DMD: variants seen among roughly 807,000 people sequenced by gnomAD.
DMD encodes the protein mutant dystrophin.
DMD carries 63 observed loss-of-function variants against 330.1 expected under a neutral mutation model. The ratio of observed to expected loss-of-function variants is 0.19; its 90% CI spans 0.16 to 0.24. The LOEUF (loss-of-function observed/expected upper bound fraction) is 0.24, where lower values mean the gene tolerates loss of function less well. DMD is among the 10% of genes least tolerant of loss of function. DMD has a pLI of 1.00. For synonymous variants in DMD, 1,223 were observed against 959.8 expected (o/e 1.27, Z -5.07); for missense variants, 3,344 against 2,684.1 (o/e 1.25, Z -5.43).
rs748641840 is a variant in DMD, at chrX:32,420,653, G to A, written c.4072-8740C>T. ...TCAGAGTGAAAGAACTTTGGAACTC[G>A]TTAGTCCCTCTACTTAGGAATTCAG... On this transcript the variant is annotated intron_variant, in intron 29 of 78. Transcript: ENST00000357033. Among the ~76,000 whole-genome samples, 122 of 111,677 alleles carry A rather than the reference G, an allele frequency of 1.1e-3. 1 individual carries two copies. The highest frequency in any genetic ancestry group is 3.0e-3 in the African/African-American group (91 of 30,777).
At chrX:33,015,640 T>C (rs1183128616) in intron 2 of DMD, among the ~76,000 whole-genome samples, 1 of 110,151 alleles carries the variant, frequency 9.1e-6, no homozygotes, top group African/African-American at 3.3e-5. Context: ...ATAACAAACC[T>C]GCACATGTAC....
chrX:32,870,039 G>C (rs1215536785), intron 2 of DMD, among the ~76,000 whole-genome samples: 1 of 111,336 alleles, frequency 9.0e-6, no homozygotes, highest in Admixed American at 9.6e-5. Flanking sequence ...TGTGTATCTA[G>C]AAAACTCCAT....
intron 44 of DMD, among the ~76,000 whole-genome samples, chrX:32,093,296 T>C (rs1295452169): frequency 8.9e-6 from 1 of 112,024 alleles, no homozygotes; most frequent in Non-Finnish European, 1.9e-5. Flanking sequence ...ATGGCTAGTA[T>C]GAAAAGTGCT....
chrX:31,789,321 A>G (rs1329121343), intron 50 of DMD, among the ~76,000 whole-genome samples: 1 of 110,700 alleles, frequency 9.0e-6, no homozygotes, highest in East Asian at 2.8e-4. Flanking sequence ...TAAGCTGGTA[A>G]TAACTTAACT....
chrX:32,789,550 A>G (rs774641207), intron 7 of DMD, among the ~76,000 whole-genome samples: 1 of 111,838 alleles, frequency 8.9e-6, no homozygotes, highest in African/African-American at 3.3e-5. Flanking sequence ...AGCTTCCCCA[A>G]CCGATTTTAT....
At chrX:33,068,419 T>C (rs1299363809) in intron 1 of DMD, among the ~76,000 whole-genome samples, 1 of 112,377 alleles carries the variant, frequency 8.9e-6, no homozygotes, top group Admixed American at 9.5e-5. Flanking sequence ...GGAGGTATTG[T>C]ACTTTGCCAA....
intron 5 of DMD, among the ~76,000 whole-genome samples, chrX:32,821,481 G>A (rs762011900): frequency 3.2e-4 from 35 of 109,708 alleles, no homozygotes; most frequent in African/African-American, 1.0e-3. Flanking sequence ...CCAGCTACTC[G>A]GGAGGCTGAG....
chrX:32,788,544 A>G (rs1235937044), intron 7 of DMD, among the ~76,000 whole-genome samples: 2 of 112,015 alleles, frequency 1.8e-5, no homozygotes, highest in Non-Finnish European at 3.8e-5. Flanking sequence ...ATTAAATTCT[A>G]TTCCATCTGT....
intron 1 of DMD, among the ~76,000 whole-genome samples, chrX:33,192,665 C>T (rs1223182763): frequency 8.9e-6 from 1 of 111,864 alleles, no homozygotes; most frequent in Non-Finnish European, 1.9e-5. Flanking sequence ...GGTTCAAAAA[C>T]CCTCAATTTA....
chrX:31,879,031 G>A (rs1418703834), intron 47 of DMD, among the ~76,000 whole-genome samples: 2 of 111,948 alleles, frequency 1.8e-5, no homozygotes, highest in Non-Finnish European at 3.8e-5. Context: ...AGGTTAATGT[G>A]CAGTGAGGGT....
chrX:32,366,432 G>T (rs1273106021), intron 34 of DMD, among the ~76,000 whole-genome samples: 1 of 112,334 alleles, frequency 8.9e-6, no homozygotes, highest in Non-Finnish European at 1.9e-5. Context: ...TGCGAGTGGA[G>T]CTGATGTCTT....
chrX:32,791,929 A>G (rs1379445451), intron 7 of DMD, among the ~76,000 whole-genome samples: 2 of 111,986 alleles, frequency 1.8e-5, no homozygotes, highest in African/African-American at 6.5e-5. Flanking sequence ...CTTGTCCATG[A>G]CACATTATAG....
chrX:32,717,772 G>A (rs922334864), intron 7 of DMD, among the ~76,000 whole-genome samples: 2 of 111,557 alleles, frequency 1.8e-5, no homozygotes, highest in African/African-American at 3.3e-5. Context: ...ACCCTGCTGA[G>A]CCACAGGGAT....
intron 34 of DMD, among the ~76,000 whole-genome samples, chrX:32,370,928 G>T (rs1319982805): frequency 1.8e-5 from 2 of 110,960 alleles, no homozygotes; most frequent in Non-Finnish European, 3.8e-5. Context: ...GAAATTCGCG[G>T]ATCTTGTATC....
chrX:32,263,422 A>G (rs1214652902), intron 43 of DMD, among the ~76,000 whole-genome samples: 1 of 112,531 alleles, frequency 8.9e-6, no homozygotes, highest in African/African-American at 3.2e-5. Flanking sequence ...TCCATTCAGC[A>G]TTTCAGAATA....
At chrX:33,192,791 A>G (rs1428786218) in intron 1 of DMD, among the ~76,000 whole-genome samples, 1 of 111,912 alleles carries the variant, frequency 8.9e-6, no homozygotes, top group East Asian at 2.8e-4. Flanking sequence ...TTAAAATCAT[A>G]CCCACCAACA....
In DMD at chrX:31,362,502, G is replaced by A. The variant is rs143637062; in HGVS notation, c.9085-13868C>T. Among the ~76,000 whole-genome samples, 704 of 112,602 alleles carry A rather than the reference G, an allele frequency of 6.3e-3. 4 individuals carry two copies. The highest frequency in any genetic ancestry group is 0.022 in the African/African-American group (683 of 31,007). On this transcript the variant is annotated intron_variant, in intron 60 of 78. Transcript: ENST00000357033. ...TGGGTCCCATCCCAAGATATCTCATGAGGAATATGCAAATATTCCAAAATC... is the reference window on the plus strand; with the variant it reads ...TGGGTCCCATCCCAAGATATCTCATAAGGAATATGCAAATATTCCAAAATC...
At chrX:31,940,563 G>A (rs978188516) in intron 45 of DMD, among the ~76,000 whole-genome samples, 2 of 111,641 alleles carry the variant, frequency 1.8e-5, no homozygotes, top group African/African-American at 6.5e-5. Flanking sequence ...CCACAAAAGC[G>A]AAGTGCCCTG....
chrX:33,030,615 T>A (rs2094092179), intron 1 of DMD, among the ~76,000 whole-genome samples: 1 of 111,617 alleles, frequency 9.0e-6, no homozygotes, highest in Non-Finnish European at 1.9e-5. Context: ...GTAATAACCA[T>A]AGACTAATTA....
Sources: gnomAD v4.1 joint callset for allele counts (sites outside exome capture counted in the v4.1 genomes callset) on GRCh38, gnomAD v4.1.1 for gene constraint, MANE v1.5 for transcripts, NCBI Gene and HGNC (gene_info 2026-07-23, HGNC 2026-07-21) for gene names.